Variants in BICD1 observed in about 807,000 individuals in gnomAD.
BICD1 encodes BICD cargo adaptor 1.
In BICD1, 35 loss-of-function variants were observed where a neutral mutation model predicts 92.5. That is an observed-to-expected ratio of 0.38 (90% CI 0.29 to 0.50). The LOEUF (loss-of-function observed/expected upper bound fraction) is 0.50. Among genes scored for constraint, BICD1 ranks in the 20% least tolerant of loss-of-function variants. BICD1 has a pLI of 0.93. For missense variants in BICD1, 950 were observed against 1,189.8 expected, an observed-to-expected ratio of 0.80 and a Z score of 2.97; for synonymous variants, 429 against 465.1, an observed-to-expected ratio of 0.92 and a Z score of 1.00.
chr12:32,351,506 A>G (rs1938879065), intron 8 of BICD1, among the ~76,000 whole-genome samples: 2 of 150,308 alleles, frequency 1.3e-5, no homozygotes, highest in East Asian at 2.0e-4. Flanking sequence ...AAAAAAAAAA[A>G]AAAAAGAAAG....
At chr12:32,324,809 A>C (rs1484425388) in intron 4 of BICD1, among the ~76,000 whole-genome samples, 1 of 151,864 alleles carries the variant, frequency 6.6e-6, no homozygotes, top group East Asian at 1.9e-4. Flanking sequence ...TGAACTCCTG[A>C]CCTCGTGATC....
intron 2 of BICD1, among the ~76,000 whole-genome samples, chr12:32,256,939 G>A (rs567159790): frequency 6.6e-6 from 1 of 152,136 alleles, no homozygotes; most frequent in East Asian, 1.9e-4. Context: ...TTCTGGCTGG[G>A]TGTAGTGGCT....
intron 1 of BICD1, among the ~76,000 whole-genome samples, chr12:32,190,440 G>T (rs1467260843): frequency 6.6e-6 from 1 of 152,176 alleles, no homozygotes; most frequent in Non-Finnish European, 1.5e-5. Flanking sequence ...AAGAGAGCAG[G>T]AGTGGCTTTA....
intron 4 of BICD1, among the ~76,000 whole-genome samples, chr12:32,317,721 T>C (rs1482007936): frequency 6.6e-6 from 1 of 152,156 alleles, no homozygotes; most frequent in African/African-American, 2.4e-5. Context: ...TTTAATTAGA[T>C]CCCATTTGTC....
chr12:32,139,506 T>C (rs972279221), intron 1 of BICD1, among the ~76,000 whole-genome samples: 1 of 152,218 alleles, frequency 6.6e-6, no homozygotes, highest in African/African-American at 2.4e-5. Flanking sequence ...TACTTGCTGA[T>C]TGACTTTCAA....
At position 32,341,972 on chromosome 12, in the gene BICD1, G is replaced by T. The variant is rs115985214; in HGVS notation, c.2764+2993G>T. Among the ~76,000 whole-genome samples the T allele has an allele frequency of 1.1e-3, 168 of 151,564 alleles. 1 individual carries two copies. Among genetic ancestry groups the T allele is most frequent in the African/African-American group, 3.7e-3 (152 of 41,400 alleles). On this transcript the variant is annotated intron_variant, in intron 8 of 9. Coordinates refer to ENST00000652176, the MANE Select transcript of BICD1 (RefSeq NM_001714.4). ...TATATAAGAAATATCATAAGCCCAT[G>T]GGAAATAGTAGATTTTATGAGTATT...
intron 1 of BICD1, among the ~76,000 whole-genome samples, chr12:32,177,516 A>G (rs1399753680): frequency 6.6e-6 from 1 of 150,940 alleles, no homozygotes; most frequent in Non-Finnish European, 1.5e-5. Flanking sequence ...TAAGACAAAC[A>G]ATAACATGTA....
intron 2 of BICD1, among the ~76,000 whole-genome samples, chr12:32,271,282 G>A (rs957399604): frequency 6.6e-6 from 1 of 152,130 alleles, no homozygotes; most frequent in Non-Finnish European, 1.5e-5. Context: ...CCTCTCCCCA[G>A]TTTGGAGGCC....
intron 8 of BICD1, among the ~76,000 whole-genome samples, chr12:32,346,781 G>A (rs1192341560): frequency 6.7e-6 from 1 of 148,196 alleles, no homozygotes; most frequent in East Asian, 2.0e-4. Context: ...CATTTCAAAT[G>A]CTCAACAGCC....
chr12:32,349,963 TG>T (rs1209830830), intron 8 of BICD1, among the ~76,000 whole-genome samples: 3 of 152,244 alleles, frequency 2.0e-5, no homozygotes, highest in Non-Finnish European at 4.4e-5. Context: ...GATTTAATTC[TG>T]GAATGTCCGT....
rs113459049 is a variant in BICD1 at position 32,152,457 on chromosome 12, C to T, written c.213+44913C>T. Among the ~76,000 whole-genome samples the T allele has an allele frequency of 4.1e-3, 626 of 152,046 alleles. 2 individuals are homozygous for T. The highest frequency in any genetic ancestry group is 0.015 in the African/African-American group (605 of 41,472). ...CTGAGGCTAGTCTTGAACTCCTGGC[C>T]TCAAGTGATCCTCCTGCCTCAGCTT... On this transcript the variant is annotated intron_variant, in intron 1 of 9. Coordinates refer to ENST00000652176, the MANE Select transcript of BICD1 (RefSeq NM_001714.4).
At chr12:32,329,839 G>A (rs549302484) in intron 5 of BICD1, among the ~76,000 whole-genome samples, 9 of 152,276 alleles carry the variant, frequency 5.9e-5, no homozygotes, top group Admixed American at 1.3e-4. Flanking sequence ...GGAGTGCTGC[G>A]AAATATAGGC....
intron 3 of BICD1, 118 bp from the exon 4 acceptor site, chr12:32,305,579 T>C: frequency 1.1e-6 from 1 of 873,288 alleles, no homozygotes. Flanking sequence ...TTTTATTATT[T>C]ATTTTTTAGA....
intron 4 of BICD1, among the ~76,000 whole-genome samples, chr12:32,310,199 G>A (rs1948336921): frequency 6.6e-6 from 1 of 152,152 alleles, no homozygotes; most frequent in African/African-American, 2.4e-5. Context: ...TAATAACAAT[G>A]TATTGTATTG....
intron 1 of BICD1, among the ~76,000 whole-genome samples, chr12:32,208,972 T>C (rs1216858115): frequency 6.6e-6 from 1 of 152,062 alleles, no homozygotes; most frequent in Non-Finnish European, 1.5e-5. Context: ...GTAGCTGGGA[T>C]TACAAGCACC....
At chr12:32,158,617 A>C (rs1353962563) in intron 1 of BICD1, among the ~76,000 whole-genome samples, 1 of 152,192 alleles carries the variant, frequency 6.6e-6, no homozygotes, top group Non-Finnish European at 1.5e-5. Flanking sequence ...TCCTGTGTGG[A>C]GAGAAGCCCA....
At chr12:32,134,655 A>G (rs1025982754) in intron 1 of BICD1, among the ~76,000 whole-genome samples, 1 of 152,160 alleles carries the variant, frequency 6.6e-6, no homozygotes, top group African/African-American at 2.4e-5. Context: ...CGACTCTGTC[A>G]TTGTGTGCCT....
chr12:32,154,999 G>GT (rs1233584734), intron 1 of BICD1, among the ~76,000 whole-genome samples: 3 of 150,426 alleles, frequency 2.0e-5, no homozygotes, highest in Non-Finnish European at 2.9e-5. Context: ...CATCTGTGAA[G>GT]TCAACCTTTT....
rs190336872 is a variant in BICD1, at chr12:32,215,697, C to G, written c.214-550C>G. Among the ~76,000 whole-genome samples, 872 of 152,018 alleles carry G rather than the reference C, an allele frequency of 5.7e-3. 4 individuals are homozygous for G. The highest frequency in any genetic ancestry group is 9.2e-3 in the Non-Finnish European group (624 of 67,996). On this transcript the variant is annotated intron_variant, in intron 1 of 9. Transcript: ENST00000652176. ...AGGCGCGGTGGCTTATGCCTGTAAT[C>G]CCAGAACTTTGGGAGGCTGAGACGG... is the stretch of plus-strand genomic sequence containing the variant.
Sources: allele counts gnomAD v4.1 joint callset (sites outside exome capture counted in the v4.1 genomes callset), GRCh38; gene constraint gnomAD v4.1.1; transcripts MANE v1.5; gene names NCBI Gene and HGNC (gene_info 2026-07-23, HGNC 2026-07-21).